The following MAN2A1 variants were observed in gnomAD, a reference collection of about 807,000 sequenced individuals.
MAN2A1 encodes the protein alpha-mannosidase 2.
MAN2A1 carries 76 observed loss-of-function variants against 142.6 expected under a neutral mutation model. The ratio of observed to expected loss-of-function variants is 0.53; its 90% CI spans 0.44 to 0.65. The LOEUF (loss-of-function observed/expected upper bound fraction) is 0.65. Ranked by LOEUF, MAN2A1 falls within the 30% of genes least tolerant of loss-of-function variation. The pLI is 0.00. For missense variants in MAN2A1, 1,311 were observed against 1,365.1 expected, an observed-to-expected ratio of 0.96 and a Z score of 0.62; for synonymous variants, 559 against 473.2, an observed-to-expected ratio of 1.18 and a Z score of -2.35.
chr5:109,818,265 T>C lies in MAN2A1; in HGVS notation c.2109+827T>C, dbSNP rs566327398. On this transcript the variant is annotated intron_variant, in intron 13 of 21. Coordinates refer to ENST00000261483, the MANE Select transcript of MAN2A1 (RefSeq NM_002372.4). The stretch of plus-strand genomic sequence containing the variant: ...AAGTGATTCTCCTGCCTCAGCCTCC[T>C]GTAACTGGGATTACAGGCATGTGCC... Among the ~76,000 whole-genome samples the C allele has an allele frequency of 3.5e-4, 54 of 152,182 alleles. 1 individual carries two copies. Among genetic ancestry groups the C allele is most frequent in the Middle Eastern group, 3.4e-3 (1 of 294 alleles).
intron 4 of MAN2A1, among the ~76,000 whole-genome samples, chr5:109,746,488 A>G (rs1752408362): frequency 6.6e-6 from 1 of 151,188 alleles, no homozygotes; most frequent in South Asian, 2.1e-4. Flanking sequence ...TATTTTATGG[A>G]TGTATGGGAA....
intron 7 of MAN2A1, 69 bp downstream of exon 7, chr5:109,770,610 G>T: frequency 7.1e-7 from 1 of 1,409,236 alleles, no homozygotes; most frequent in South Asian, 1.3e-5. Context: ...AGTTGCTGAA[G>T]GGTTGAACAA....
At chr5:109,707,183 A>G (rs1331624905) in intron 1 of MAN2A1, among the ~76,000 whole-genome samples, 2 of 152,082 alleles carry the variant, frequency 1.3e-5, no homozygotes, top group Admixed American at 6.5e-5. Flanking sequence ...TTATTTCCCA[A>G]ACAGCCCATG....
chr5:109,832,665 C>T (rs1473240904), intron 16 of MAN2A1, among the ~76,000 whole-genome samples: 2 of 152,208 alleles, frequency 1.3e-5, no homozygotes, highest in Non-Finnish European at 2.9e-5. Context: ...GTCATCATGG[C>T]CCGTTCTCAA....
chr5:109,820,023 G>A, intron 14 of MAN2A1, 136 bp downstream of exon 14: 1 of 818,034 alleles, frequency 1.2e-6, no homozygotes, highest in South Asian at 1.8e-5. Flanking sequence ...GGAAGCATGA[G>A]CTTTTTGCAC....
At chr5:109,832,623 G>GT (rs1754943909) in intron 16 of MAN2A1, among the ~76,000 whole-genome samples, 1 of 152,030 alleles carries the variant, frequency 6.6e-6, no homozygotes, top group African/African-American at 2.4e-5. Context: ...TTCCCCACAC[G>GT]TCCCCCCCTT....
chr5:109,739,293 T>G (rs1438383004), intron 4 of MAN2A1, among the ~76,000 whole-genome samples: 1 of 152,242 alleles, frequency 6.6e-6, no homozygotes, highest in East Asian at 1.9e-4. Flanking sequence ...ATCTAGGTAG[T>G]ATAACTTTTC....
At chr5:109,698,667 A>G (rs1750883510) in intron 1 of MAN2A1, among the ~76,000 whole-genome samples, 1 of 152,182 alleles carries the variant, frequency 6.6e-6, no homozygotes, top group Non-Finnish European at 1.5e-5. Flanking sequence ...TTTTTCCAAG[A>G]GCAGAGAAGA....
chr5:109,783,271 A>C (rs955846561), intron 9 of MAN2A1, among the ~76,000 whole-genome samples: 50 of 152,296 alleles, frequency 3.3e-4, no homozygotes, highest in African/African-American at 1.2e-3. Context: ...TTCCAAATGT[A>C]TTTATTTATA....
rs566906828 is a variant in MAN2A1 at position 109,839,237 on chromosome 5, A to G, written c.2567-3091A>G. Among the ~76,000 whole-genome samples the G allele has an allele frequency of 3.3e-5, 5 of 152,294 alleles. No individual in the cohort carries two copies. In the South Asian group the frequency reaches 1.0e-3, roughly 32 times the overall value. On this transcript the variant is annotated intron_variant, in intron 16 of 21. Coordinates refer to ENST00000261483, the MANE Select transcript of MAN2A1 (RefSeq NM_002372.4). ...TGTAGATGCTTATCTTTTGTTATTA[A>G]AATTCCATATACATTTCATTTTGGC...
intron 12 of MAN2A1, among the ~76,000 whole-genome samples, chr5:109,801,761 A>G (rs987012112): frequency 1.3e-5 from 2 of 152,216 alleles, no homozygotes; most frequent in African/African-American, 4.8e-5. Flanking sequence ...AAGACTTATC[A>G]GTTAGGAAAA....
chr5:109,753,930 A>T (rs1206250470), intron 4 of MAN2A1, among the ~76,000 whole-genome samples: 1 of 148,988 alleles, frequency 6.7e-6, no homozygotes. Flanking sequence ...TTTTTTTGAC[A>T]CAATGTCTCA....
At chr5:109,767,492 T>C (rs935111171) in intron 5 of MAN2A1, 43 bp from the exon 6 acceptor site, 21 of 1,528,448 alleles carry the variant, frequency 1.4e-5, no homozygotes, top group African/African-American at 4.1e-5. Context: ...TTTTATTTCA[T>C]ATATCAATTA....
rs538852505 is a variant in MAN2A1, at chr5:109,777,197, G to A, written c.1374+2232G>A. On this transcript the variant is annotated intron_variant, in intron 8 of 21. Coordinates refer to ENST00000261483, the MANE Select transcript of MAN2A1 (RefSeq NM_002372.4). ...GTTCCAAAATAGATGCATCAATTGT[G>A]TTGTACAAGAGGTTCAGTTGTTCCA... Among the ~76,000 whole-genome samples, 76 of 152,200 alleles carry A rather than the reference G, an allele frequency of 5.0e-4. 1 individual carries two copies. Among genetic ancestry groups the A allele is most frequent in the African/African-American group, 1.8e-3 (74 of 41,558 alleles).
chr5:109,762,684 C>T (rs1244695269), intron 5 of MAN2A1, among the ~76,000 whole-genome samples: 1 of 152,168 alleles, frequency 6.6e-6, no homozygotes, highest in Admixed American at 6.5e-5. Flanking sequence ...CTTCGATGTG[C>T]TCAGGGGATG....
At chr5:109,772,642 G>A (rs1753180470) in intron 7 of MAN2A1, among the ~76,000 whole-genome samples, 1 of 152,054 alleles carries the variant, frequency 6.6e-6, no homozygotes, top group Admixed American at 6.6e-5. Flanking sequence ...GAGTAACTGG[G>A]ACCACAGGTA....
intron 4 of MAN2A1, among the ~76,000 whole-genome samples, chr5:109,742,031 C>T (rs1752281739): frequency 6.6e-6 from 1 of 152,182 alleles, no homozygotes; most frequent in Non-Finnish European, 1.5e-5. Flanking sequence ...CAGTTAAATA[C>T]TGCATGATGT....
At chr5:109,756,112 A>G (rs953033410) in intron 5 of MAN2A1, among the ~76,000 whole-genome samples, 5 of 152,100 alleles carry the variant, frequency 3.3e-5, no homozygotes, top group African/African-American at 1.2e-4. Context: ...TTTTGGTGGA[A>G]ATGGTCTTGG....
In MAN2A1 at chr5:109,799,008, A is replaced by ATGTGTC. The variant is rs148842431; in HGVS notation, c.1943+9483_1943+9488dup. On this transcript the variant is annotated intron_variant, in intron 12 of 21. Transcript: ENST00000261483. ...CACCCAGCCTCATTCTGTTTTTTAA[A>ATGTGTC]TGTGTCTCAAATTTGTCCTCTTCAT... 1.7e-3 allele frequency among the ~76,000 whole-genome samples: 251 copies of ATGTGTC among 152,068 alleles called. 5 individuals are homozygous for ATGTGTC. The East Asian group carries it at 0.045, about 27-fold the overall frequency.
Sources: gnomAD v4.1 joint callset for allele counts (sites outside exome capture counted in the v4.1 genomes callset) on GRCh38, gnomAD v4.1.1 for gene constraint, MANE v1.5 for transcripts, NCBI Gene and HGNC (gene_info 2026-07-23, HGNC 2026-07-21) for gene names.